NXPE3: variants seen among roughly 807,000 people sequenced by gnomAD.
The protein encoded by NXPE3 is neurexophilin and PC-esterase domain family member 3.
Under a neutral mutation model 46.1 loss-of-function variants are expected in NXPE3, and 26 were observed. The observed-to-expected ratio is 0.56, with a 90% CI of 0.41 to 0.78. The LOEUF (loss-of-function observed/expected upper bound fraction) is 0.78. Among genes scored for constraint, NXPE3 ranks in the 30% least tolerant of loss-of-function variants. NXPE3 has a pLI of 0.00. For synonymous variants in NXPE3, 272 were observed against 257.9 expected (o/e 1.05, Z -0.52); for missense variants, 620 against 686.0 (o/e 0.90, Z 1.07).
intron 5 of NXPE3, among the ~76,000 whole-genome samples, chr3:101,806,206 TGAA>T: frequency 6.6e-6 from 1 of 152,206 alleles, no homozygotes; most frequent in Non-Finnish European, 1.5e-5. Context: ...CTGAAATTGA[TGAA>T]ATAATAAAAA....
At chr3:101,802,296 TA>T (rs1195403519) in intron 5 of NXPE3, among the ~76,000 whole-genome samples, 1 of 152,166 alleles carries the variant, frequency 6.6e-6, no homozygotes, top group Non-Finnish European at 1.5e-5. Flanking sequence ...GCTGTGTAAG[TA>T]AAATCCCTTA....
intron 7 of NXPE3, among the ~76,000 whole-genome samples, chr3:101,819,273 C>T (rs918380659): frequency 2.0e-5 from 3 of 152,178 alleles, no homozygotes; most frequent in African/African-American, 7.2e-5. Flanking sequence ...ATATGAGACA[C>T]ATCTTCTTTC....
At chr3:101,792,151 A>G (rs968579234) in intron 4 of NXPE3, among the ~76,000 whole-genome samples, 3 of 152,072 alleles carry the variant, frequency 2.0e-5, no homozygotes, top group African/African-American at 7.2e-5. Flanking sequence ...CCTCATAGAC[A>G]CTGGATATTA....
intron 3 of NXPE3, among the ~76,000 whole-genome samples, chr3:101,784,222 T>A: frequency 6.6e-6 from 1 of 152,206 alleles, no homozygotes; most frequent in East Asian, 1.9e-4. Context: ...TATGGTTTTT[T>A]AAAAAAATAC....
intron 6 of NXPE3, among the ~76,000 whole-genome samples, chr3:101,808,818 G>GATATAGAGATATATATATAT (rs71132598): frequency 3.2e-5 from 1 of 30,814 alleles, no homozygotes; most frequent in Non-Finnish European, 5.9e-5. Context: ...AATTTTAGAG[G>GATATAGAGATATATATATAT]ATATATATAT....
intron 4 of NXPE3, among the ~76,000 whole-genome samples, chr3:101,798,274 CAT>C (rs1314548355): frequency 6.6e-6 from 1 of 152,172 alleles, no homozygotes; most frequent in Non-Finnish European, 1.5e-5. Context: ...GGACTTACCA[CAT>C]GTGATAATTT....
chr3:101,787,056 C>T (rs1679226101), intron 4 of NXPE3, among the ~76,000 whole-genome samples: 1 of 151,870 alleles, frequency 6.6e-6, no homozygotes, highest in Non-Finnish European at 1.5e-5. Flanking sequence ...AACCCCGTCT[C>T]TACTGAGAAT....
At chr3:101,799,956 T>C (rs1560047922) in intron 4 of NXPE3, among the ~76,000 whole-genome samples, 1 of 152,184 alleles carries the variant, frequency 6.6e-6, no homozygotes, top group Non-Finnish European at 1.5e-5. Flanking sequence ...TCCCTCTTTT[T>C]TTCTTAGCCT....
In NXPE3 at chr3:101,827,701, A is replaced by C. The variant is rs1175004735; in HGVS notation, c.*5747A>C. On this transcript the variant is annotated 3_prime_UTR_variant, in exon 8 of 8. Coordinates refer to ENST00000273347, the MANE Select transcript of NXPE3 (RefSeq NM_145037.4). ...GCCTCTGATTCCTCCCTGCGGCTCC[A>C]GTCCAGGTCTTGGAGCCGGCCCTCG... Among the ~76,000 whole-genome samples the C allele has an allele frequency of 6.6e-6, 1 of 152,172 alleles. No homozygotes were observed. Among genetic ancestry groups the C allele is most frequent in the East Asian group, 1.9e-4 (1 of 5,200 alleles).
chr3:101,820,542 A>G (rs1203415743), intron 7 of NXPE3, among the ~76,000 whole-genome samples: 6 of 152,220 alleles, frequency 3.9e-5, no homozygotes, highest in Admixed American at 2.6e-4. Context: ...ACCCAGAGGA[A>G]TATAAATCAT....
intron 4 of NXPE3, among the ~76,000 whole-genome samples, chr3:101,796,752 T>C (rs1940850677): frequency 6.6e-6 from 1 of 152,134 alleles, no homozygotes; most frequent in Non-Finnish European, 1.5e-5. Context: ...AAAGTGAAAA[T>C]GTGTGTATGT....
chr3:101,810,164 C>T (rs1251795908), intron 6 of NXPE3, among the ~76,000 whole-genome samples: 1 of 152,156 alleles, frequency 6.6e-6, no homozygotes, highest in Non-Finnish European at 1.5e-5. Flanking sequence ...TGGTTTATGT[C>T]AGGTTTTCCC....
Position 101,782,529 on chromosome 3 carries a change from A to G in NXPE3, c.-316-131A>G, listed in dbSNP as rs72937810. 2.4e-3 allele frequency: 362 copies of G among 152,324 alleles called. 1 individual carries two copies. The highest frequency in any genetic ancestry group is 8.2e-3 in the African/African-American group (339 of 41,576). 9.4% of individuals were successfully genotyped at this position (152,324 alleles called of 1,614,324 possible). A position where few individuals can be genotyped will look rare whatever the true frequency, so the allele number is the denominator to read the frequency against. On this transcript the variant is annotated intron_variant, in intron 2 of 7. Transcript: ENST00000273347. ...AATAGTTTTCTTCTTTTACTTAAAA[A>G]TCTTTCAGTTTAAGTTGAATTGATT... is the stretch of plus-strand genomic sequence containing the variant.
At chr3:101,794,354 TC>T (rs1235840524) in intron 4 of NXPE3, among the ~76,000 whole-genome samples, 2 of 152,128 alleles carry the variant, frequency 1.3e-5, no homozygotes, top group African/African-American at 4.8e-5. Flanking sequence ...GGAGCCGTGT[TC>T]CTTCCTCTGA....
intron 5 of NXPE3, among the ~76,000 whole-genome samples, chr3:101,804,332 G>C (rs959420137): frequency 1.3e-5 from 2 of 152,148 alleles, no homozygotes; most frequent in African/African-American, 4.8e-5. Context: ...AACCCACAAG[G>C]ATAAAATAAT....
intron 7 of NXPE3, among the ~76,000 whole-genome samples, chr3:101,818,742 TATATATATA>T (rs1313887042): frequency 3.1e-3 from 102 of 32,616 alleles, no homozygotes; most frequent in African/African-American, 4.1e-3. Flanking sequence ...TATATATATA[TATATATATA>T]TATTTTTTTT....
intron 5 of NXPE3, 76 bp from the exon 6 acceptor site, chr3:101,806,977 C>G (rs1239291084): frequency 1.0e-6 from 1 of 966,502 alleles, no homozygotes; most frequent in Non-Finnish European, 1.7e-6. Flanking sequence ...GTCATTTTAT[C>G]ATTTGCCAAT....
chr3:101,794,874 C>T lies in NXPE3; in HGVS notation c.94-6361C>T, dbSNP rs151238647. 4.9e-4 allele frequency among the ~76,000 whole-genome samples: 74 copies of T among 152,264 alleles called. 1 individual carries two copies. The highest frequency in any genetic ancestry group is 1.7e-3 in the African/African-American group (69 of 41,548). On this transcript the variant is annotated intron_variant, in intron 4 of 7. Transcript: ENST00000273347. ...CAGCTAAAGGCTCTAATTATTTGAA[C>T]GAACTAACTCTTCTCTACTGAATGG...
rs370040082 is a variant in NXPE3, at chr3:101,785,709, C to T, written c.93+20C>T. On this transcript the variant is annotated intron_variant, in intron 4 of 7. Transcript: ENST00000273347. The stretch of plus-strand genomic sequence containing the variant: ...GTAGAGGTGAGTACCCAGTATAATC[C>T]CTCATAACTAAGGGAGCCGAGTCTG... 199 of 1,600,598 alleles carry T rather than the reference C, an allele frequency of 1.2e-4. No individual in the cohort carries two copies. In the African/African-American group the frequency reaches 2.4e-3, roughly 20 times the overall value.
Sources: gnomAD v4.1 joint callset for allele counts (sites outside exome capture counted in the v4.1 genomes callset) on GRCh38, gnomAD v4.1.1 for gene constraint, MANE v1.5 for transcripts, NCBI Gene and HGNC (gene_info 2026-07-23, HGNC 2026-07-21) for gene names.